Variants in PNPT1 observed in about 807,000 individuals in gnomAD.
PNPT1 encodes the protein polyribonucleotide nucleotidyltransferase 1, also known as polyribonucleotide nucleotidyltransferase 1, mitochondrial.
Under a neutral mutation model 119.5 loss-of-function variants are expected in PNPT1, and 53 were observed. The ratio of observed to expected loss-of-function variants is 0.44; its 90% CI spans 0.36 to 0.56. PNPT1 has a LOEUF of 0.56. Among genes scored for constraint, PNPT1 ranks in the 20% least tolerant of loss-of-function variants. The pLI, the probability that PNPT1 is intolerant of heterozygous loss-of-function variation, is 0.00. For synonymous variants in PNPT1, 357 were observed against 322.1 expected, an observed-to-expected ratio of 1.11 and a Z score of -1.16; for missense variants, 948 against 938.5, an observed-to-expected ratio of 1.01 and a Z score of -0.13.
In PNPT1 at chr2:55,635,167, T is replaced by A. The variant is rs1202309758; in HGVS notation, c.*1070A>T. The A allele has an allele frequency of 2.0e-5, 3 of 152,228 alleles. No individual in the cohort carries two copies. Among genetic ancestry groups the A allele is most frequent in the South Asian group, 4.1e-4 (2 of 4,834 alleles). The allele number at this position is 152,228 out of a possible 1,614,324, so 9.4% of individuals were successfully genotyped here. A position where few individuals can be genotyped will look rare whatever the true frequency, so the allele number is the denominator to read the frequency against. ...ATTTTAAATGATGGGAATGAACAAC[T>A]TGACATGTGTATCAGTAACCTCTAA... On this transcript the variant is annotated 3_prime_UTR_variant, in exon 28 of 28. Transcript: ENST00000447944.
At chr2:55,676,459 G>A (rs567427536) in intron 8 of PNPT1, among the ~76,000 whole-genome samples, 1 of 152,210 alleles carries the variant, frequency 6.6e-6, no homozygotes, top group Non-Finnish European at 1.5e-5. Context: ...AAATATACCA[G>A]TTGAAAACAA....
At chr2:55,673,167 A>G in intron 8 of PNPT1, 88 bp from the exon 9 acceptor site, 1 of 1,046,712 alleles carries the variant, frequency 9.6e-7, no homozygotes, top group Non-Finnish European at 1.3e-6. Flanking sequence ...TGACATAAAT[A>G]TTATGGATCA....
intron 15 of PNPT1, among the ~76,000 whole-genome samples, chr2:55,659,697 C>T (rs1272667731): frequency 6.6e-6 from 1 of 152,090 alleles, no homozygotes; most frequent in Non-Finnish European, 1.5e-5. Context: ...ATACTACTTA[C>T]ATCTCTCTCT....
chr2:55,656,023 C>T, intron 17 of PNPT1, 108 bp downstream of exon 17: 1 of 1,358,770 alleles, frequency 7.4e-7, no homozygotes, highest in South Asian at 1.6e-5. Context: ...TTGCAACAAA[C>T]TTGGGTTCTG....
chr2:55,660,157 C>T lies in PNPT1; in HGVS notation c.1284G>A (p.Glu428=). ...IKDKNFMLHY[E]FPPYATNEIG... is the part of the protein sequence containing the mutation. ...TTTTGAGGAAAAAAATTCACCTTACCTCGTAGTGCAGCATGAAATTTTTAT... is the reference window on the plus strand; with the variant it reads ...TTTTGAGGAAAAAAATTCACCTTACTTCGTAGTGCAGCATGAAATTTTTAT... The change falls in exon 15 of 28, where the codon GAG becomes GAA. Residue 428 remains glutamate (E), a splice_region_variant and synonymous_variant. Transcript: ENST00000447944. 3.2e-6 allele frequency: 5 copies of T among 1,587,182 alleles called. No homozygotes were observed. Among genetic ancestry groups the T allele is most frequent in the South Asian group, 1.2e-5 (1 of 85,514 alleles).
intron 2 of PNPT1, among the ~76,000 whole-genome samples, chr2:55,687,203 G>T (rs1168179735): frequency 1.1e-5 from 1 of 90,532 alleles, no homozygotes; most frequent in African/African-American, 4.8e-5. Flanking sequence ...AACAGAGTGA[G>T]ACTCCATCTC....
intron 10 of PNPT1, 117 bp from the exon 11 acceptor site, chr2:55,671,493 TA>T: frequency 1.8e-6 from 1 of 567,240 alleles, no homozygotes. Flanking sequence ...TAATATTCTT[TA>T]AAATATTGGA....
chr2:55,686,492 T>C, intron 2 of PNPT1, 48 bp from the exon 3 acceptor site: 2 of 1,444,998 alleles, frequency 1.4e-6, no homozygotes, highest in South Asian at 1.2e-5. Flanking sequence ...AATCAGATAT[T>C]AGCATCTAAG....
At chr2:55,678,268 T>TTTG (rs1337935804) in intron 8 of PNPT1, among the ~76,000 whole-genome samples, 5 of 152,140 alleles carry the variant, frequency 3.3e-5, no homozygotes, top group Non-Finnish European at 7.3e-5. Flanking sequence ...AAACATGAGG[T>TTTG]AGACATCATC....
At chr2:55,659,521 CTTT>C (rs371090953) in intron 15 of PNPT1, among the ~76,000 whole-genome samples, 9 of 145,802 alleles carry the variant, frequency 6.2e-5, no homozygotes, top group African/African-American at 2.0e-4. Context: ...ACAGGCATGA[CTTT>C]TTTTTTTTTA....
chr2:55,650,645 T>C (rs1301269106), intron 18 of PNPT1, among the ~76,000 whole-genome samples: 1 of 140,870 alleles, frequency 7.1e-6, no homozygotes, highest in Non-Finnish European at 1.5e-5. Context: ...CGGCCGCCCA[T>C]CGTCTGAGAT....
intron 23 of PNPT1, 115 bp downstream of exon 23, chr2:55,644,522 C>A (rs944431120): frequency 2.9e-6 from 2 of 681,448 alleles, no homozygotes; most frequent in African/African-American, 3.6e-5. Flanking sequence ...TTCTCCTGGT[C>A]TTTCTCTCAT....
intron 26 of PNPT1, among the ~76,000 whole-genome samples, chr2:55,638,438 G>C (rs936435884): frequency 6.6e-6 from 1 of 152,244 alleles, no homozygotes; most frequent in South Asian, 2.1e-4. Flanking sequence ...GAGGTGGAAG[G>C]ACTGCTTAAA....
intron 9 of PNPT1, 134 bp downstream of exon 9, chr2:55,672,759 G>T: frequency 1.3e-6 from 1 of 785,698 alleles, no homozygotes; most frequent in Non-Finnish European, 2.0e-6. Flanking sequence ...GATATTTATG[G>T]GAATGACTCT....
intron 1 of PNPT1, among the ~76,000 whole-genome samples, chr2:55,691,096 G>C (rs932000851): frequency 6.6e-6 from 1 of 152,190 alleles, no homozygotes; most frequent in East Asian, 1.9e-4. Context: ...AAGGGGAGTG[G>C]AGGATCTTTA....
intron 18 of PNPT1, among the ~76,000 whole-genome samples, chr2:55,650,484 A>G (rs920862918): frequency 2.4e-4 from 36 of 151,850 alleles, no homozygotes; most frequent in African/African-American, 8.2e-4. Context: ...GCGTGATCTC[A>G]GCTCGCTACA....
chr2:55,644,789 C>A, intron 22 of PNPT1, 69 bp from the exon 23 acceptor site: 5 of 1,086,522 alleles, frequency 4.6e-6, no homozygotes, highest in South Asian at 3.7e-5. Flanking sequence ...ATGCCATGGT[C>A]ACTTGAGATT....
chr2:55,671,890 A>T, intron 10 of PNPT1, 105 bp downstream of exon 10: 1 of 793,512 alleles, frequency 1.3e-6, no homozygotes, highest in Non-Finnish European at 2.0e-6. Context: ...TCATTTAGAG[A>T]TTTTTAATAA....
At chr2:55,659,203 C>G (rs1235322740) in intron 15 of PNPT1, among the ~76,000 whole-genome samples, 1 of 152,138 alleles carries the variant, frequency 6.6e-6, no homozygotes, top group East Asian at 1.9e-4. Flanking sequence ...AATCCTCCCT[C>G]CTCAGCCTCC....
Sources: gnomAD v4.1 joint callset for allele counts (sites outside exome capture counted in the v4.1 genomes callset) on GRCh38, gnomAD v4.1.1 for gene constraint, MANE v1.5 for transcripts, NCBI Gene and HGNC (gene_info 2026-07-23, HGNC 2026-07-21) for gene names.